GPC6: variants seen among roughly 807,000 people sequenced by gnomAD.
The protein encoded by GPC6 is glypican 6.
GPC6 carries 14 observed loss-of-function variants against 55.2 expected under a neutral mutation model. The observed-to-expected ratio is 0.25, with a 90% confidence interval of 0.17 to 0.40. GPC6 has a LOEUF of 0.40. GPC6 is among the 10% of genes least tolerant of loss of function. The pLI is 1.00. For missense variants in GPC6, 641 were observed against 708.5 expected (o/e 0.90, Z 1.08); for synonymous variants, 278 against 259.6 (o/e 1.07, Z -0.68).
intron 2 of GPC6, among the ~76,000 whole-genome samples, chr13:93,612,695 T>A (rs930376630): frequency 2.0e-5 from 3 of 152,172 alleles, no homozygotes; most frequent in Admixed American, 2.0e-4. Flanking sequence ...GCAATGAATA[T>A]ATAGGTAATG....
At chr13:94,126,071 A>G (rs1218333234) in intron 4 of GPC6, among the ~76,000 whole-genome samples, 1 of 152,124 alleles carries the variant, frequency 6.6e-6, no homozygotes, top group East Asian at 1.9e-4. Flanking sequence ...GGCGAGATTA[A>G]GACTACTCAA....
chr13:93,916,113 T>C (rs1877280717), intron 3 of GPC6, among the ~76,000 whole-genome samples: 1 of 152,072 alleles, frequency 6.6e-6, no homozygotes. Context: ...TCTTGGTGGC[T>C]CACTTTGACA....
At chr13:93,374,404 A>T (rs1043553134) in intron 1 of GPC6, among the ~76,000 whole-genome samples, 5 of 152,138 alleles carry the variant, frequency 3.3e-5, no homozygotes, top group African/African-American at 9.7e-5. Flanking sequence ...TGGCAAGGTG[A>T]TGCACAGTTC....
intron 4 of GPC6, among the ~76,000 whole-genome samples, chr13:94,102,593 G>A (rs1025130109): frequency 1.2e-4 from 18 of 150,934 alleles, no homozygotes; most frequent in African/African-American, 3.9e-4. Context: ...TGCATCCTCA[G>A]TAAGACATAA....
At chr13:94,160,062 T>G (rs934800078) in intron 4 of GPC6, among the ~76,000 whole-genome samples, 1 of 152,226 alleles carries the variant, frequency 6.6e-6, no homozygotes, top group Non-Finnish European at 1.5e-5. Flanking sequence ...GCAGTTTCAG[T>G]TTCTTATAGC....
intron 2 of GPC6, among the ~76,000 whole-genome samples, chr13:93,724,940 G>A (rs908361963): frequency 6.6e-6 from 1 of 151,918 alleles, no homozygotes; most frequent in Admixed American, 6.6e-5. Context: ...GATTTAAGGT[G>A]CTATAGAGAA....
At chr13:93,760,611 A>C (rs1014796913) in intron 2 of GPC6, among the ~76,000 whole-genome samples, 3 of 152,160 alleles carry the variant, frequency 2.0e-5, no homozygotes, top group Non-Finnish European at 4.4e-5. Flanking sequence ...TGCCATGTCA[A>C]TTGTATTCTC....
chr13:94,286,894 T>G (rs1892547730), intron 5 of GPC6, among the ~76,000 whole-genome samples: 1 of 152,220 alleles, frequency 6.6e-6, no homozygotes, highest in South Asian at 2.1e-4. Context: ...TATTTTCCAT[T>G]GTAAATAATT....
intron 3 of GPC6, among the ~76,000 whole-genome samples, chr13:93,914,438 G>A (rs1452060440): frequency 6.6e-6 from 1 of 152,128 alleles, no homozygotes; most frequent in Admixed American, 6.5e-5. Context: ...TAGTGTATAT[G>A]TGCCACCTTA....
At chr13:93,457,389 G>A (rs1444576434) in intron 1 of GPC6, among the ~76,000 whole-genome samples, 1 of 152,192 alleles carries the variant, frequency 6.6e-6, no homozygotes, top group Non-Finnish European at 1.5e-5. Flanking sequence ...GGGGTAGGAT[G>A]TCAACATATG....
chr13:93,712,980 A>T (rs1883124819), intron 2 of GPC6, among the ~76,000 whole-genome samples: 1 of 151,604 alleles, frequency 6.6e-6, no homozygotes, highest in Non-Finnish European at 1.5e-5. Context: ...CAATCAAAAT[A>T]TAATAAAATT....
intron 3 of GPC6, among the ~76,000 whole-genome samples, chr13:94,006,345 C>T (rs1186621373): frequency 6.6e-6 from 1 of 152,132 alleles, no homozygotes; most frequent in Non-Finnish European, 1.5e-5. Flanking sequence ...AAAGACAGAA[C>T]CGTGGCCTTG....
intron 4 of GPC6, among the ~76,000 whole-genome samples, chr13:94,042,187 C>G (rs1883564191): frequency 6.6e-6 from 1 of 151,736 alleles, no homozygotes; most frequent in Non-Finnish European, 1.5e-5. Context: ...CCTACTCTAG[C>G]CATGTAAAAT....
chr13:93,798,099 G>T (rs1234193962), intron 2 of GPC6, among the ~76,000 whole-genome samples: 1 of 152,100 alleles, frequency 6.6e-6, no homozygotes, highest in African/African-American at 2.4e-5. Flanking sequence ...AGTGTGGAAG[G>T]CTTGAAAATG....
At chr13:94,228,250 G>A (rs1341413546) in intron 4 of GPC6, among the ~76,000 whole-genome samples, 5 of 151,944 alleles carry the variant, frequency 3.3e-5, no homozygotes, top group Non-Finnish European at 5.9e-5. Flanking sequence ...CAGCATTCTC[G>A]GTCCTCTGAC....
intron 2 of GPC6, among the ~76,000 whole-genome samples, chr13:93,594,451 T>C (rs7990100): frequency 0.12 from 17,792 of 152,126 alleles, 2,347 homozygotes; most frequent in African/African-American, 0.32. Context: ...TATAATAGTA[T>C]AACTCATTTT....
rs1392959075 is a variant in GPC6 at position 94,325,691 on chromosome 13, A to G, written c.1152+19568A>G. Among the ~76,000 whole-genome samples the G allele has an allele frequency of 3.3e-5, 5 of 152,174 alleles. No homozygotes were observed. In the South Asian group the frequency reaches 8.3e-4, roughly 25 times the overall value. On this transcript the variant is annotated intron_variant, in intron 6 of 8. Transcript: ENST00000377047. ...GGCTTTTGGTTAAAATCCCTATTAC[A>G]TATTTTTGTCTTCTGGGTTCAAATA... is the stretch of plus-strand genomic sequence containing the variant.
At chr13:93,587,525 G>A (rs917899501) in intron 2 of GPC6, among the ~76,000 whole-genome samples, 2 of 152,114 alleles carry the variant, frequency 1.3e-5, no homozygotes, top group East Asian at 1.9e-4. Context: ...TATGGTTCAT[G>A]TTGTTGCTTG....
At chr13:93,712,943 AAGT>A (rs1251107022) in intron 2 of GPC6, among the ~76,000 whole-genome samples, 1 of 151,630 alleles carries the variant, frequency 6.6e-6, no homozygotes, top group South Asian at 2.1e-4. Flanking sequence ...AAATTTCTAA[AAGT>A]AGGCAACATA....
Sources: allele counts gnomAD v4.1 joint callset (sites outside exome capture counted in the v4.1 genomes callset), GRCh38; gene constraint gnomAD v4.1.1; transcripts MANE v1.5; gene names NCBI Gene and HGNC (gene_info 2026-07-23, HGNC 2026-07-21).